RSF1: variants seen among roughly 807,000 people sequenced by gnomAD.
The protein encoded by RSF1 is HBV pX-associated protein 8.
A neutral mutation model predicts 145.2 loss-of-function variants in RSF1; 13 were observed. The ratio of observed to expected loss-of-function variants is 0.09; its 90% CI spans 0.06 to 0.14. The LOEUF (loss-of-function observed/expected upper bound fraction) is 0.14, where lower values mean the gene tolerates loss of function less well. RSF1 is among the 10% of genes least tolerant of loss of function. RSF1 has a pLI of 1.00. For missense variants in RSF1, 1,517 were observed against 1,718.2 expected, an observed-to-expected ratio of 0.88 and a Z score of 2.07; for synonymous variants, 577 against 592.6, an observed-to-expected ratio of 0.97 and a Z score of 0.38.
intron 1 of RSF1, among the ~76,000 whole-genome samples, chr11:77,803,832 C>T (rs910927600): frequency 1.3e-5 from 2 of 152,064 alleles, no homozygotes; most frequent in Admixed American, 6.6e-5. Flanking sequence ...ATAATCCTAG[C>T]GCTTTGGGAG....
At chr11:77,783,206 C>T (rs1239104243) in intron 1 of RSF1, among the ~76,000 whole-genome samples, 1 of 152,212 alleles carries the variant, frequency 6.6e-6, no homozygotes, top group African/African-American at 2.4e-5. Flanking sequence ...TCCTTGTTCT[C>T]ATCCTTAGTA....
rs539268084 is a variant in RSF1, at chr11:77,698,706, A to T, written c.2509-13T>A. The T allele has an allele frequency of 8.1e-6, 13 of 1,597,028 alleles. 1 individual carries two copies. In the Admixed American group the frequency reaches 1.7e-4, roughly 21 times the overall value. ...CTTTGGGTTTTACCTTGTATAAAATAAAAAAAATTGGGATAATTTGATATA... is the reference window on the plus strand; with the variant it reads ...CTTTGGGTTTTACCTTGTATAAAATTAAAAAAATTGGGATAATTTGATATA... On this transcript the variant is annotated splice_polypyrimidine_tract_variant and intron_variant, in intron 6 of 15. Transcript: ENST00000308488.
At chr11:77,674,178 T>C (rs747465297) in intron 14 of RSF1, among the ~76,000 whole-genome samples, 7 of 152,274 alleles carry the variant, frequency 4.6e-5, no homozygotes, top group Middle Eastern at 3.4e-3. Flanking sequence ...ATCACTTATT[T>C]AGATGGTTTA....
chr11:77,827,822 A>G, the RSF1 span, among the ~76,000 whole-genome samples: 2 of 152,356 alleles, frequency 1.3e-5, no homozygotes, highest in African/African-American at 4.8e-5. Context: ...TGGAAGAAGT[A>G]AAACAAGCTC....
chr11:77,716,968 A>G (rs1228402757), intron 5 of RSF1, among the ~76,000 whole-genome samples: 1 of 152,054 alleles, frequency 6.6e-6, no homozygotes, highest in African/African-American at 2.4e-5. Context: ...ACTTGAGCTC[A>G]GGAGTTCAAG....
intron 5 of RSF1, among the ~76,000 whole-genome samples, chr11:77,714,036 C>T (rs970311593): frequency 1.3e-5 from 2 of 152,184 alleles, no homozygotes; most frequent in South Asian, 4.1e-4. Context: ...AACTTTAGAG[C>T]TCCCGTTATT....
intron 8 of RSF1, among the ~76,000 whole-genome samples, chr11:77,692,233 A>ATTTTTTTTTTC (rs1960168918): frequency 2.0e-5 from 1 of 49,472 alleles, no homozygotes; most frequent in Non-Finnish European, 3.3e-5. Flanking sequence ...CTACTTTTAA[A>ATTTTTTTTTTC]TTTTTTTTTT....
intron 10 of RSF1, among the ~76,000 whole-genome samples, 160 bp from the exon 11 acceptor site, chr11:77,683,979 G>A (rs1959936798): frequency 6.6e-6 from 1 of 152,206 alleles, no homozygotes; most frequent in African/African-American, 2.4e-5. Context: ...GCAACACTGA[G>A]TATACAGATT....
intron 1 of RSF1, among the ~76,000 whole-genome samples, chr11:77,805,167 A>C (rs1310173300): frequency 6.6e-6 from 1 of 152,080 alleles, no homozygotes; most frequent in Non-Finnish European, 1.5e-5. Flanking sequence ...TTTTTTTTGC[A>C]AATAAAAATG....
At chr11:77,686,423 A>AAAAAAAAAAAAAAAAAAAAGC in intron 9 of RSF1, among the ~76,000 whole-genome samples, 1 of 149,754 alleles carries the variant, frequency 6.7e-6, no homozygotes, top group Non-Finnish European at 1.5e-5. Context: ...AAAAAAAAAA[A>AAAAAAAAAAAAAAAAAAAAGC]AAAAAGCAGG....
rs1429719365 is a variant in RSF1 at position 77,820,535 on chromosome 11, G to A, written c.180C>T (p.Asn60=). The change falls in exon 1 of 16, where the codon AAC becomes AAT. Residue 60 remains asparagine (N), a synonymous_variant. Coordinates refer to ENST00000308488, the MANE Select transcript of RSF1 (RefSeq NM_016578.4). ...VLQAPPPDVG[N]GEVPKELVEL... is the part of the protein sequence containing the mutation. Reference sequence around the variant, plus strand: ...TTCGGGCCCCTCGCTTACCTTCTCCGTTGCCGACGTCCGGCGGCGGCGCCT... The same window carrying A: ...TTCGGGCCCCTCGCTTACCTTCTCCATTGCCGACGTCCGGCGGCGGCGCCT... 1.3e-6 allele frequency: 2 copies of A among 1,547,850 alleles called. No individual in the cohort carries two copies. Among genetic ancestry groups the A allele is most frequent in the Non-Finnish European group, 1.7e-6 (2 of 1,146,658 alleles).
intron 15 of RSF1, among the ~76,000 whole-genome samples, chr11:77,671,135 AAAAATATATATATATATATATATATATAT>A (rs1959523337): frequency 2.6e-5 from 1 of 39,034 alleles, no homozygotes; most frequent in Non-Finnish European, 4.0e-5. Context: ...AAAAAAAAAA[AAAAATATATATATATATATATATATATAT>A]ATATATATAT....
At chr11:77,738,681 T>G (rs1404323376) in intron 4 of RSF1, 1 of 151,926 alleles carries the variant, frequency 6.6e-6, no homozygotes, top group Non-Finnish European at 1.5e-5. Flanking sequence ...CATTAGACAT[T>G]TTTTTTTCTT....
chr11:77,774,528 C>T (rs892186525), intron 1 of RSF1, among the ~76,000 whole-genome samples: 2 of 151,432 alleles, frequency 1.3e-5, no homozygotes, highest in African/African-American at 4.9e-5. Flanking sequence ...ACTGAGATTG[C>T]ATCACTGCAC....
chr11:77,700,827 C>G lies in RSF1; in HGVS notation c.2402G>C (p.Gly801Ala). ...TTCTTCCACCTCATCTTCTCCTTCCCCTCTTTTTTTATCAGCTTTCTGATC... is the reference window on the plus strand; with the variant it reads ...TTCTTCCACCTCATCTTCTCCTTCCGCTCTTTTTTTATCAGCTTTCTGATC... The part of the protein sequence containing the change: ...IRDQKADKKR[G>A]EGEDEVEEES... Residue 801 changes from glycine (G) to alanine (A), a missense_variant, in exon 6 of 16, where the codon GGG (glycine) becomes GCG (alanine). Gly to Ala is a moderately conservative substitution (Grantham distance 60, BLOSUM62 0). Transcript: ENST00000308488. The G allele has an allele frequency of 6.2e-7, 1 of 1,613,164 alleles. No individual in the cohort carries two copies.
rs139600754 is a variant in RSF1, at chr11:77,676,489, C to T, written c.3341+303G>A. The stretch of plus-strand genomic sequence containing the variant: ...ATAGGACTGGAAACCCCTCATGGAC[C>T]TGGCAGAAGGTGGCACAGAGGTACA... On this transcript the variant is annotated intron_variant, in intron 13 of 15. Coordinates refer to ENST00000308488, the MANE Select transcript of RSF1 (RefSeq NM_016578.4). Among the ~76,000 whole-genome samples, 322 of 152,196 alleles carry T rather than the reference C, an allele frequency of 2.1e-3. 1 individual carries two copies. The highest frequency in any genetic ancestry group is 7.3e-3 in the African/African-American group (304 of 41,510).
At chr11:77,767,068 A>G (rs963532603) in intron 1 of RSF1, among the ~76,000 whole-genome samples, 3 of 152,200 alleles carry the variant, frequency 2.0e-5, no homozygotes, top group Non-Finnish European at 4.4e-5. Context: ...TAAGGGGACA[A>G]TGGTTCTGGT....
chr11:77,690,677 C>G (rs1358316091), intron 9 of RSF1, among the ~76,000 whole-genome samples: 1 of 152,182 alleles, frequency 6.6e-6, no homozygotes, highest in African/African-American at 2.4e-5. Flanking sequence ...CTCGGCCTCT[C>G]AAAGTGCTGG....
intron 11 of RSF1, among the ~76,000 whole-genome samples, chr11:77,682,327 A>G (rs1310385513): frequency 2.6e-5 from 4 of 152,200 alleles, no homozygotes; most frequent in Non-Finnish European, 5.9e-5. Flanking sequence ...CATAAAATCC[A>G]CTGTTTTCCT....
Sources: allele counts gnomAD v4.1 joint callset (sites outside exome capture counted in the v4.1 genomes callset), GRCh38; gene constraint gnomAD v4.1.1; transcripts MANE v1.5; gene names NCBI Gene and HGNC (gene_info 2026-07-23, HGNC 2026-07-21).